The following TYK2 variants were observed in gnomAD, a reference collection of about 807,000 sequenced individuals.
TYK2 encodes tyrosine kinase 2.
Under a neutral mutation model 130.9 loss-of-function variants are expected in TYK2, and 65 were observed. The ratio of observed to expected loss-of-function variants is 0.50; its 90% CI spans 0.41 to 0.61. TYK2 has a LOEUF of 0.61. Among genes scored for constraint, TYK2 ranks in the 20% least tolerant of loss-of-function variants. The pLI, the probability that TYK2 is intolerant of heterozygous loss-of-function variation, is 0.00. For synonymous variants in TYK2, 647 were observed against 658.9 expected, an observed-to-expected ratio of 0.98 and a Z score of 0.28; for missense variants, 1,378 against 1,610.7, an observed-to-expected ratio of 0.86 and a Z score of 2.47.
At chr19:10,352,051 CCTTTCTTTT>C (rs935675516) in intron 23 of TYK2, among the ~76,000 whole-genome samples, 2 of 139,418 alleles carry the variant, frequency 1.4e-5, no homozygotes, top group Non-Finnish European at 3.1e-5. Flanking sequence ...GCCTTTCTTT[CCTTTCTTTT>C]CTTTCTCTCT....
chr19:10,374,134 T>C (rs1408455995), intron 3 of TYK2, among the ~76,000 whole-genome samples: 1 of 151,914 alleles, frequency 6.6e-6, no homozygotes, highest in East Asian at 1.9e-4. Context: ...GGCGTGGTGG[T>C]GGGTGCCTAT....
Position 10,366,406 on chromosome 19 carries a change from T to C in TYK2, c.629+11A>G, listed in dbSNP as rs2041668319. 1.9e-6 allele frequency: 3 copies of C among 1,611,438 alleles called. No homozygotes were observed. In the African/African-American group the frequency reaches 4.0e-5, roughly 22 times the overall value. ...CTGCCTACACAGCGTCCCCACCCCATTCCCAGACACCTGGTCTTCTTGGCC... is the reference window on the plus strand; with the variant it reads ...CTGCCTACACAGCGTCCCCACCCCACTCCCAGACACCTGGTCTTCTTGGCC... On this transcript the variant is annotated intron_variant, in intron 6 of 24. Coordinates refer to ENST00000525621, the MANE Select transcript of TYK2 (RefSeq NM_003331.5).
chr19:10,359,960 G>A (rs1185317776), intron 14 of TYK2, among the ~76,000 whole-genome samples: 1 of 151,458 alleles, frequency 6.6e-6, no homozygotes, highest in Non-Finnish European at 1.5e-5. Flanking sequence ...GCAGTGAGCC[G>A]AGATCACGTC....
Position 10,354,661 on chromosome 19 carries a change from GC to G in TYK2, c.2618-53del, listed in dbSNP as rs981785046. 7 of 1,492,868 alleles carry G rather than the reference GC, an allele frequency of 4.7e-6. No individual in the cohort carries two copies. In the African/African-American group the frequency reaches 8.3e-5, roughly 18 times the overall value. The allele number at this position is 1,492,868 out of a possible 1,614,324, so 92.5% of individuals were successfully genotyped here. ...CTGACCCCGATCCTTTCCCCAGCAG[GC>G]CCACACTTGGGAGTCACAAAGCCAG... is the stretch of plus-strand genomic sequence containing the variant. On this transcript the variant is annotated intron_variant, in intron 18 of 24. Transcript: ENST00000525621.
intron 9 of TYK2, among the ~76,000 whole-genome samples, chr19:10,363,444 C>T (rs2041506992): frequency 1.3e-5 from 2 of 151,698 alleles, no homozygotes; most frequent in African/African-American, 2.4e-5. Flanking sequence ...CCTCCTAAAG[C>T]GCTGGGATTA....
chr19:10,364,732 C>A lies in TYK2; in HGVS notation c.1249G>T (p.Val417Leu). 6.2e-7 allele frequency: 1 copy of A among 1,613,848 alleles called. No individual in the cohort carries two copies. Among genetic ancestry groups the A allele is most frequent in the Non-Finnish European group, 8.5e-7 (1 of 1,179,994 alleles). ...LPSRAAALSF[V>L]SLVDGYFRLT... is the part of the protein sequence containing the mutation. The stretch of plus-strand genomic sequence containing the variant: ...CGGAAATAGCCGTCCACCAGCGACA[C>A]GAAGGACAGCGCCGCAGCCCGGGAA... Residue 417 changes from valine (V) to leucine (L), a missense_variant, in exon 9 of 25, where the codon GTG (valine) becomes TTG (leucine). Physicochemically the swap from Val to Leu is conservative, Grantham distance 32. Transcript: ENST00000525621. The surrounding 1 kb of genome is among the most constrained non-coding windows in gnomAD (Gnocchi z 4.9).
intron 6 of TYK2, 83 bp from the exon 7 acceptor site, chr19:10,365,981 C>G (rs2041646748): frequency 2.8e-6 from 4 of 1,405,276 alleles, no homozygotes; most frequent in Non-Finnish European, 3.8e-6. Flanking sequence ...GGCTTAACCT[C>G]TTTGAGCCTC....
chr19:10,364,450 G>T lies in TYK2; in HGVS notation c.1367+164C>A, dbSNP rs894049527. ...AATCGCTTGAACCCGGGAGGCGGAG[G>T]CTGCAGTGAGCTGAGATCATGCCAC... On this transcript the variant is annotated intron_variant, in intron 9 of 24. Coordinates refer to ENST00000525621, the MANE Select transcript of TYK2 (RefSeq NM_003331.5). This position sits in a 1 kb window ranked among gnomAD's most constrained non-coding sequence, Gnocchi z 4.9. Among the ~76,000 whole-genome samples, 2 of 152,038 alleles carry T rather than the reference G, an allele frequency of 1.3e-5. No homozygotes were observed. Among genetic ancestry groups the T allele is most frequent in the African/African-American group, 4.8e-5 (2 of 41,382 alleles).
In TYK2 at chr19:10,352,922, T is replaced by A; in HGVS notation, c.3200+4A>T. On this transcript the variant is annotated splice_donor_region_variant and intron_variant, in intron 22 of 24. Coordinates refer to ENST00000525621, the MANE Select transcript of TYK2 (RefSeq NM_003331.5). ...CCCCCTCAGACTGCACCCCGCCTGG[T>A]CACCAGAACACGGGGCTGTCCCCAT... 1.9e-6 allele frequency: 3 copies of A among 1,605,524 alleles called. No homozygotes were observed. Among genetic ancestry groups the A allele is most frequent in the Non-Finnish European group, 2.5e-6 (3 of 1,176,880 alleles).
rs746436487 is a variant in TYK2, at chr19:10,357,741, G to T, written c.2466+23C>A. On this transcript the variant is annotated intron_variant, in intron 17 of 24. Coordinates refer to ENST00000525621, the MANE Select transcript of TYK2 (RefSeq NM_003331.5). ...TGGAGGGGCCCCCACTGCGGGGAGGGCCCAAGGGTCTCCTAGACATACCTC... is the reference window on the plus strand; with the variant it reads ...TGGAGGGGCCCCCACTGCGGGGAGGTCCCAAGGGTCTCCTAGACATACCTC... 20 of 1,587,926 alleles carry T rather than the reference G, an allele frequency of 1.3e-5. No homozygotes were observed. In the Admixed American group the frequency reaches 3.4e-4, roughly 27 times the overall value.
rs982742544 is a variant in TYK2 at position 10,364,519 on chromosome 19, G to A, written c.1367+95C>T. The A allele has an allele frequency of 4.2e-5, 58 of 1,388,724 alleles. No homozygotes were observed. The highest frequency in any genetic ancestry group is 5.3e-5 in the Non-Finnish European group (53 of 994,128). 86.0% of individuals were successfully genotyped at this position (1,388,724 alleles called of 1,614,324 possible). On this transcript the variant is annotated intron_variant, in intron 9 of 24. Coordinates refer to ENST00000525621, the MANE Select transcript of TYK2 (RefSeq NM_003331.5). This position sits in a 1 kb window ranked among gnomAD's most constrained non-coding sequence, Gnocchi z 4.9. ...ACAAAAAATAAAAAAAAAATAAGACGTGCACCTACACACACACCCTGCACA... is the reference window on the plus strand; with the variant it reads ...ACAAAAAATAAAAAAAAAATAAGACATGCACCTACACACACACCCTGCACA...
At chr19:10,358,219 C>A (rs1269370251) in intron 15 of TYK2, 81 bp from the exon 16 acceptor site, 4 of 1,419,566 alleles carry the variant, frequency 2.8e-6, no homozygotes, top group East Asian at 5.0e-5. Context: ...ATAGGGACAG[C>A]CAATGTGAAA....
At position 10,352,525 on chromosome 19, in the gene TYK2, T is replaced by C. The variant is rs777199847; in HGVS notation, c.3227A>G (p.Tyr1076Cys). Residue 1076 changes from tyrosine to cysteine, a missense_variant, in exon 23 of 25, where the codon TAT (tyrosine) becomes TGT (cysteine). Tyr to Cys is a radical substitution (Grantham distance 194, BLOSUM62 -2). Transcript: ENST00000525621. ...FWYAPECLKEYKFYYASDVWS... is the reference protein window; with the variant it reads ...FWYAPECLKECKFYYASDVWS... ...GACATCTGACGCATAGTAGAACTTA[T>C]ACTCCTTCAGGCACTCTGGGGCATA... The C allele has an allele frequency of 5.1e-6, 8 of 1,574,678 alleles. No homozygotes were observed. The highest frequency in any genetic ancestry group is 1.8e-5 in the Admixed American group (1 of 56,956).
chr19:10,367,318 C>T (rs549843345), intron 5 of TYK2, among the ~76,000 whole-genome samples: 1 of 152,004 alleles, frequency 6.6e-6, no homozygotes, highest in African/African-American at 2.4e-5. Context: ...AATCACAGCA[C>T]TCTATCCCCT....
chr19:10,351,180 C>A lies in TYK2; in HGVS notation c.3319-18G>T. The stretch of plus-strand genomic sequence containing the variant: ...AGGAATTTCTACAGTATAAACAAGA[C>A]AAGCTCTTTTCAAGAGGCAATGAAA... On this transcript the variant is annotated intron_variant, in intron 23 of 24. Coordinates refer to ENST00000525621, the MANE Select transcript of TYK2 (RefSeq NM_003331.5). The A allele has an allele frequency of 6.2e-7, 1 of 1,605,640 alleles. No individual in the cohort carries two copies. Among genetic ancestry groups the A allele is most frequent in the South Asian group, 1.1e-5 (1 of 90,728 alleles).
intron 23 of TYK2, among the ~76,000 whole-genome samples, chr19:10,351,848 C>T (rs12720329): frequency 0.026 from 3,909 of 151,546 alleles, 160 homozygotes; most frequent in African/African-American, 0.089. Context: ...AAGCAATTCT[C>T]CCTGCCTCAG....
intron 9 of TYK2, 61 bp from the exon 10 acceptor site, chr19:10,362,718 G>A: frequency 7.1e-7 from 1 of 1,406,064 alleles, no homozygotes; most frequent in Non-Finnish European, 9.8e-7. Context: ...CCATACCCGG[G>A]AACAATGACA....
chr19:10,361,265 G>C lies in TYK2; in HGVS notation c.2047+246C>G. On this transcript the variant is annotated intron_variant, in intron 14 of 24. Transcript: ENST00000525621. This position sits in a 1 kb window ranked among gnomAD's most constrained non-coding sequence, Gnocchi z 4.0. Reference sequence around the variant, plus strand: ...AAGTGGGGATGTAGTTGGGAATCAGGGTGGGGGTTGAGACTGAGGGCAGGT... The same window carrying C: ...AAGTGGGGATGTAGTTGGGAATCAGCGTGGGGGTTGAGACTGAGGGCAGGT... The C allele has an allele frequency of 1.6e-6, 1 of 613,024 alleles. No homozygotes were observed. Among genetic ancestry groups the C allele is most frequent in the Admixed American group, 2.5e-5 (1 of 39,810 alleles). The allele number at this position is 613,024 out of a possible 1,614,324, so 38.0% of individuals were successfully genotyped here. A position where few individuals can be genotyped will look rare whatever the true frequency, so the allele number is the denominator to read the frequency against.
At position 10,354,085 on chromosome 19, in the gene TYK2, G is replaced by A; in HGVS notation, c.2865C>T (p.Tyr955=). 1 of 1,614,124 alleles carries A rather than the reference G, an allele frequency of 6.2e-7. No homozygotes were observed. Among genetic ancestry groups the A allele is most frequent in the Non-Finnish European group, 8.5e-7 (1 of 1,180,030 alleles). ...CCTTGTACTTGATGATGTGCTCGTG[G>A]TAGAGCGTGCGCAGAATGTCAATCT... ...KQEIDILRTL[Y]HEHIIKYKGC... The change falls in exon 20 of 25, where the codon TAC becomes TAT. Residue 955 remains tyrosine, a synonymous_variant. Coordinates refer to ENST00000525621, the MANE Select transcript of TYK2 (RefSeq NM_003331.5).
Sources: allele counts gnomAD v4.1 joint callset (sites outside exome capture counted in the v4.1 genomes callset), GRCh38; gene constraint gnomAD v4.1.1; non-coding constraint Gnocchi (gnomAD v3.1); transcripts MANE v1.5; gene names NCBI Gene and HGNC (gene_info 2026-07-23, HGNC 2026-07-21).